Variants in PDE7B observed in about 807,000 individuals in gnomAD.
PDE7B encodes 3',5'-cyclic-AMP phosphodiesterase 7B.
Under a neutral mutation model 56.2 loss-of-function variants are expected in PDE7B, and 29 were observed. That is an observed-to-expected ratio of 0.52 (90% CI 0.38 to 0.70). PDE7B has a LOEUF of 0.70. Ranked by LOEUF, PDE7B falls within the 30% of genes least tolerant of loss-of-function variation. PDE7B has a pLI of 0.00. For missense variants in PDE7B, 490 were observed against 565.0 expected (o/e 0.87, Z 1.35); for synonymous variants, 197 against 196.9 (o/e 1.00, Z 0.00).
intron 2 of PDE7B, among the ~76,000 whole-genome samples, chr6:136,053,906 G>T (rs1228302045): frequency 6.6e-6 from 1 of 152,054 alleles, no homozygotes; most frequent in Admixed American, 6.6e-5. Context: ...TGATGGCGTT[G>T]TTTTTTTCTT....
chr6:136,027,154 C>A (rs1240564582), intron 2 of PDE7B, among the ~76,000 whole-genome samples: 1 of 152,280 alleles, frequency 6.6e-6, no homozygotes, highest in Non-Finnish European at 1.5e-5. Context: ...AACTTCCCAG[C>A]CTCTGGAACT....
chr6:135,932,202 T>TA (rs888065258), intron 1 of PDE7B, among the ~76,000 whole-genome samples: 13 of 151,966 alleles, frequency 8.6e-5, no homozygotes, highest in Non-Finnish European at 1.5e-4. Flanking sequence ...ATTTCAGATA[T>TA]AAAAAAATAG....
At chr6:136,047,839 A>G (rs1472549942) in intron 2 of PDE7B, among the ~76,000 whole-genome samples, 1 of 152,214 alleles carries the variant, frequency 6.6e-6, no homozygotes, top group Admixed American at 6.5e-5. Context: ...AGAATAAAGG[A>G]TATTATGACC....
intron 3 of PDE7B, among the ~76,000 whole-genome samples, chr6:136,113,204 TTTACTTAGCCATTCCA>T (rs1431615712): frequency 6.6e-6 from 1 of 152,222 alleles, no homozygotes; most frequent in Non-Finnish European, 1.5e-5. Flanking sequence ...GTTATTTAGC[TTTACTTAGCCATTCCA>T]CAATGTGTGT....
chr6:136,001,535 G>A (rs1419567804), intron 2 of PDE7B, among the ~76,000 whole-genome samples: 2 of 152,138 alleles, frequency 1.3e-5, no homozygotes, highest in Non-Finnish European at 2.9e-5. Context: ...GCCAAGGCTC[G>A]AGAACTACGT....
At chr6:136,140,145 G>T (rs538431620) in intron 3 of PDE7B, among the ~76,000 whole-genome samples, 10 of 152,248 alleles carry the variant, frequency 6.6e-5, no homozygotes, top group Admixed American at 2.0e-4. Context: ...ATTGATTTTT[G>T]TATAAGGTGT....
chr6:136,043,067 A>G (rs1776439450), intron 2 of PDE7B, among the ~76,000 whole-genome samples: 1 of 152,246 alleles, frequency 6.6e-6, no homozygotes, highest in African/African-American at 2.4e-5. Context: ...TAATGATTTC[A>G]TTCAAAGCAG....
chr6:135,940,737 A>G (rs1299319224), intron 1 of PDE7B, among the ~76,000 whole-genome samples: 2 of 152,164 alleles, frequency 1.3e-5, no homozygotes, highest in Non-Finnish European at 1.5e-5. Context: ...TCATCAGCCC[A>G]TTGCAGCTGC....
At chr6:136,028,911 C>CTA (rs1161886188) in intron 2 of PDE7B, among the ~76,000 whole-genome samples, 1 of 152,182 alleles carries the variant, frequency 6.6e-6, no homozygotes, top group Non-Finnish European at 1.5e-5. Context: ...ATTCTGCCTA[C>CTA]TATACATAAT....
intron 2 of PDE7B, among the ~76,000 whole-genome samples, chr6:135,951,949 A>G (rs1204175443): frequency 1.3e-5 from 2 of 152,200 alleles, no homozygotes; most frequent in Admixed American, 6.6e-5. Context: ...GAAAATCAAT[A>G]TTTTATTAAC....
chr6:136,049,915 T>C (rs972363471), intron 2 of PDE7B, among the ~76,000 whole-genome samples: 1 of 149,390 alleles, frequency 6.7e-6, no homozygotes, highest in Non-Finnish European at 1.5e-5. Context: ...AAAATGGGTC[T>C]TTGAGAGGAT....
chr6:136,178,430 A>T (rs751261224), intron 9 of PDE7B, among the ~76,000 whole-genome samples: 1 of 152,074 alleles, frequency 6.6e-6, no homozygotes, highest in Non-Finnish European at 1.5e-5. Flanking sequence ...TTTTCTCTAT[A>T]CCATTTGTTG....
intron 8 of PDE7B, among the ~76,000 whole-genome samples, chr6:136,169,278 C>T (rs1472537695): frequency 6.6e-6 from 1 of 152,038 alleles, no homozygotes; most frequent in Non-Finnish European, 1.5e-5. Flanking sequence ...CTATTTCCAC[C>T]GCGGTTCTGG....
chr6:136,186,900 G>A, intron 11 of PDE7B, 136 bp from the exon 12 acceptor site: 1 of 663,908 alleles, frequency 1.5e-6, no homozygotes, highest in Non-Finnish European at 2.7e-6. Flanking sequence ...GTGCTGAAGG[G>A]TCCCTAAGGG....
At chr6:136,087,531 A>G (rs183898198) in intron 2 of PDE7B, among the ~76,000 whole-genome samples, 1 of 152,310 alleles carries the variant, frequency 6.6e-6, no homozygotes, top group East Asian at 1.9e-4. Flanking sequence ...TTAAGTTAAT[A>G]CCATAAAAAT....
chr6:136,097,428 A>G (rs1189057540), intron 2 of PDE7B, among the ~76,000 whole-genome samples: 2 of 152,020 alleles, frequency 1.3e-5, no homozygotes, highest in African/African-American at 4.8e-5. Context: ...ATTTCTTACC[A>G]TGTCAGTTTT....
At chr6:136,141,121 T>A (rs981571406) in intron 3 of PDE7B, among the ~76,000 whole-genome samples, 2 of 152,190 alleles carry the variant, frequency 1.3e-5, no homozygotes, top group African/African-American at 4.8e-5. Flanking sequence ...ATAGCTCTTA[T>A]TATTTTGAGA....
rs1413314027 is a variant in PDE7B at position 135,968,427 on chromosome 6, G to C, written c.82+20903G>C. On this transcript the variant is annotated intron_variant, in intron 2 of 12. Coordinates refer to ENST00000308191, the MANE Select transcript of PDE7B (RefSeq NM_018945.4). The stretch of plus-strand genomic sequence containing the variant: ...ATCCATCTGACAATTCTAACATCTA[G>C]AATCTACAAGGAACTTAAACAAATT... 2.0e-5 allele frequency among the ~76,000 whole-genome samples: 3 copies of C among 152,080 alleles called. No individual in the cohort carries two copies. In the East Asian group the frequency reaches 5.8e-4, roughly 29 times the overall value.
intron 2 of PDE7B, among the ~76,000 whole-genome samples, chr6:135,972,846 T>A (rs1188822488): frequency 1.3e-5 from 2 of 152,086 alleles, no homozygotes; most frequent in African/African-American, 2.4e-5. Context: ...TGGGAGTGGG[T>A]GTGAGGAGAG....
Sources: allele counts gnomAD v4.1 joint callset (sites outside exome capture counted in the v4.1 genomes callset), GRCh38; gene constraint gnomAD v4.1.1; transcripts MANE v1.5; gene names NCBI Gene and HGNC (gene_info 2026-07-23, HGNC 2026-07-21).